CFAP45: variants seen among roughly 807,000 people sequenced by gnomAD.
CFAP45 encodes the protein cilia and flagella associated protein 45.
In CFAP45, 43 loss-of-function variants were observed where a neutral mutation model predicts 75.6. The observed-to-expected ratio is 0.57, with a 90% CI of 0.45 to 0.73. CFAP45 has a LOEUF of 0.73. Ranked by LOEUF, CFAP45 falls within the 30% of genes least tolerant of loss-of-function variation. CFAP45 has a pLI of 0.00. For missense variants in CFAP45, 689 were observed against 701.5 expected (o/e 0.98, Z 0.20); for synonymous variants, 223 against 244.6 (o/e 0.91, Z 0.82).
At chr1:159,874,696 C>A (rs766476034) in intron 10 of CFAP45, among the ~76,000 whole-genome samples, 2 of 152,154 alleles carry the variant, frequency 1.3e-5, no homozygotes, top group Non-Finnish European at 2.9e-5. Context: ...GTCGTTCCAT[C>A]GGGTTAGGGC....
intron 6 of CFAP45, among the ~76,000 whole-genome samples, chr1:159,885,419 A>C (rs1269471182): frequency 6.6e-6 from 1 of 152,216 alleles, no homozygotes. Context: ...CACAGAGATG[A>C]ATGGTTCCAG....
rs149109217 is a variant in CFAP45, at chr1:159,875,713, G to A, written c.1352+843C>T. Among the ~76,000 whole-genome samples the A allele has an allele frequency of 4.6e-5, 7 of 152,274 alleles. No individual in the cohort carries two copies. In the East Asian group the frequency reaches 1.2e-3, roughly 25 times the overall value. ...TTTCCTTTTGAAAAATTCTAATGTT[G>A]TAGAGTCTGAACCAGAGCAAAAAGA... On this transcript the variant is annotated intron_variant, in intron 10 of 11. Coordinates refer to ENST00000368099, the MANE Select transcript of CFAP45 (RefSeq NM_012337.3).
Position 159,876,704 on chromosome 1 carries a change from A to G in CFAP45, c.1204T>C (p.Trp402Arg). ...KRNQEVADRE[W>R]RRKEKENARK... ...GCATTTTCCTTTTCCTTTCTGCGCC[A>G]CTCTCTGTCTGCAACCTCCTGGTTG... The change falls in exon 10 of 12, where the codon TGG becomes CGG. Residue 402 changes from tryptophan to arginine, a missense_variant. Trp to Arg is a moderately radical substitution (Grantham distance 101, BLOSUM62 -3). Transcript: ENST00000368099. The G allele has an allele frequency of 6.2e-7, 1 of 1,613,702 alleles. No homozygotes were observed. Among genetic ancestry groups the G allele is most frequent in the Non-Finnish European group, 8.5e-7 (1 of 1,179,932 alleles).
At position 159,876,698 on chromosome 1, in the gene CFAP45, T is replaced by C. The variant is rs755987678; in HGVS notation, c.1210A>G (p.Arg404Gly). The C allele has an allele frequency of 8.5e-5, 137 of 1,614,090 alleles. No individual in the cohort carries two copies. The highest frequency in any genetic ancestry group is 2.5e-4 in the South Asian group (23 of 91,088). ...NQEVADREWRRKEKENARKKM... is the reference protein window; with the variant it reads ...NQEVADREWRGKEKENARKKM... The stretch of plus-strand genomic sequence containing the variant: ...TTCCGCGCATTTTCCTTTTCCTTTC[T>C]GCGCCACTCTCTGTCTGCAACCTCC... The change falls in exon 10 of 12, where the codon AGA becomes GGA. Residue 404 changes from arginine (R) to glycine (G), a missense_variant. Transcript: ENST00000368099.
intron 8 of CFAP45, among the ~76,000 whole-genome samples, chr1:159,879,914 A>G (rs1649508697): frequency 6.6e-6 from 1 of 152,156 alleles, no homozygotes; most frequent in South Asian, 2.1e-4. Context: ...ACATAAATCC[A>G]TGTTCACTTT....
chr1:159,892,665 C>G (rs1222272070), intron 2 of CFAP45, among the ~76,000 whole-genome samples: 1 of 152,226 alleles, frequency 6.6e-6, no homozygotes, highest in East Asian at 1.9e-4. Flanking sequence ...CTCTCTTTAT[C>G]TAGACTAAAG....
intron 10 of CFAP45, 65 bp from the exon 11 acceptor site, chr1:159,873,233 G>A: frequency 7.0e-7 from 1 of 1,437,664 alleles, no homozygotes; most frequent in Non-Finnish European, 9.6e-7. Flanking sequence ...AAAGGTGGTG[G>A]GGGAGCCTCC....
At chr1:159,886,468 T>C in intron 6 of CFAP45, 43 bp downstream of exon 6, 3 of 1,557,010 alleles carry the variant, frequency 1.9e-6, no homozygotes, top group Admixed American at 1.7e-5. Flanking sequence ...TAAAGATACA[T>C]GGAAATAGCT....
At chr1:159,878,428 T>C (rs1454838376) in intron 8 of CFAP45, among the ~76,000 whole-genome samples, 1 of 152,108 alleles carries the variant, frequency 6.6e-6, no homozygotes, top group African/African-American at 2.4e-5. Context: ...GTAAGATGAA[T>C]GGTGCAGGTT....
Position 159,872,524 on chromosome 1 carries a change from C to T in CFAP45, c.1617G>A (p.Glu539=), listed in dbSNP as rs1364579236. 1.2e-5 allele frequency: 19 copies of T among 1,614,190 alleles called. No individual in the cohort carries two copies. Among genetic ancestry groups the T allele is most frequent in the Non-Finnish European group, 1.6e-5 (19 of 1,180,016 alleles). Residue 539 remains glutamate, a synonymous_variant, in exon 12 of 12, where the codon GAG becomes GAA. Coordinates refer to ENST00000368099, the MANE Select transcript of CFAP45 (RefSeq NM_012337.3). ...TAGCTGGCAGGATGTTAGCTTTGCG[C>T]TCAGCTTCAATGCAGTACTTCTCGG... ...GLPEKYCIEA[E]RKANILPATS... is the part of the protein sequence containing the mutation.
At chr1:159,891,998 G>A (rs1232018326) in intron 2 of CFAP45, among the ~76,000 whole-genome samples, 5 of 152,048 alleles carry the variant, frequency 3.3e-5, no homozygotes, top group Non-Finnish European at 5.9e-5. Context: ...AAGTGAAATT[G>A]CATTTTGGCC....
chr1:159,898,751 A>C (rs570065962), intron 1 of CFAP45, among the ~76,000 whole-genome samples: 2 of 152,300 alleles, frequency 1.3e-5, no homozygotes, highest in East Asian at 3.9e-4. Flanking sequence ...GCATGACAGT[A>C]GGTGTTCACA....
At position 159,872,977 on chromosome 1, in the gene CFAP45, T is replaced by C; in HGVS notation, c.1544A>G (p.Asp515Gly). 2 of 1,614,222 alleles carry C rather than the reference T, an allele frequency of 1.2e-6. No homozygotes were observed. Among genetic ancestry groups the C allele is most frequent in the Non-Finnish European group, 1.7e-6 (2 of 1,180,042 alleles). Residue 515 changes from aspartate to glycine, a missense_variant, in exon 11 of 12, where the codon GAT (aspartate) becomes GGT (glycine). Transcript: ENST00000368099. ...EEAQKRRERI[D>G]EIKRKKLEEL... is the part of the protein sequence containing the mutation. ...TTCAAGCTTTTTCCTCTTGATCTCA[T>C]CGATGCGCTCACGGCGTTTCTGGGC...
chr1:159,896,464 G>T lies in CFAP45; in HGVS notation c.4-3159C>A, dbSNP rs75031682. On this transcript the variant is annotated intron_variant, in intron 1 of 11. Transcript: ENST00000368099. ...AAACAGTTTTGCCAAGAGTAACAAGGATTAGAGAGGTCACTGTGTAAACAT... is the reference window on the plus strand; with the variant it reads ...AAACAGTTTTGCCAAGAGTAACAAGTATTAGAGAGGTCACTGTGTAAACAT... Among the ~76,000 whole-genome samples, 9 of 152,186 alleles carry T rather than the reference G, an allele frequency of 5.9e-5. No individual in the cohort carries two copies. In the East Asian group the frequency reaches 1.3e-3, roughly 23 times the overall value.
At chr1:159,876,512 T>C in intron 10 of CFAP45, 44 bp downstream of exon 10, 1 of 1,384,454 alleles carries the variant, frequency 7.2e-7, no homozygotes. Context: ...CCATCCCTGC[T>C]ACAGTACAAG....
chr1:159,882,531 C>T (rs1056338454), intron 7 of CFAP45, among the ~76,000 whole-genome samples: 1 of 152,154 alleles, frequency 6.6e-6, no homozygotes, highest in African/African-American at 2.4e-5. Flanking sequence ...TCACTCTTTC[C>T]CCCTTTGTTA....
At chr1:159,883,347 A>G (rs1357407883) in intron 7 of CFAP45, among the ~76,000 whole-genome samples, 1 of 152,226 alleles carries the variant, frequency 6.6e-6, no homozygotes, top group Non-Finnish European at 1.5e-5. Context: ...CAAACTAAAG[A>G]GACTCAACGG....
rs1650033188 is a variant in CFAP45, at chr1:159,899,837, G to C, written c.3+259C>G. 2.9e-5 allele frequency: 13 copies of C among 454,802 alleles called. No individual in the cohort carries two copies. In the South Asian group the frequency reaches 6.5e-4, roughly 23 times the overall value. The allele number at this position is 454,802 out of a possible 1,614,324, so 28.2% of individuals were successfully genotyped here. On this transcript the variant is annotated intron_variant, in intron 1 of 11. Coordinates refer to ENST00000368099, the MANE Select transcript of CFAP45 (RefSeq NM_012337.3). Reference sequence around the variant, plus strand: ...GAGGCCCCGCTGTAATGGCAACGGGGAGAGGGTTGGGGCATCCCTTTCTCC... The same window carrying C: ...GAGGCCCCGCTGTAATGGCAACGGGCAGAGGGTTGGGGCATCCCTTTCTCC...
At chr1:159,888,867 G>C (rs1649758307) in intron 3 of CFAP45, among the ~76,000 whole-genome samples, 1 of 151,018 alleles carries the variant, frequency 6.6e-6, no homozygotes, top group Non-Finnish European at 1.5e-5. Context: ...CTGTATCACA[G>C]CCAATTGGGC....
Sources: allele counts gnomAD v4.1 joint callset (sites outside exome capture counted in the v4.1 genomes callset), GRCh38; gene constraint gnomAD v4.1.1; transcripts MANE v1.5; gene names NCBI Gene and HGNC (gene_info 2026-07-23, HGNC 2026-07-21).